PDCD6IP: variants seen among roughly 807,000 people sequenced by gnomAD.
PDCD6IP encodes programmed cell death 6 interacting protein.
PDCD6IP carries 43 observed loss-of-function variants against 103.7 expected under a neutral mutation model. The observed-to-expected ratio is 0.41, with a 90% CI of 0.32 to 0.53. The LOEUF is 0.53. Among genes scored for constraint, PDCD6IP ranks in the 20% least tolerant of loss-of-function variants. PDCD6IP has a pLI of 0.16. For missense variants in PDCD6IP, 871 were observed against 1,036.7 expected (o/e 0.84, Z 2.20); for synonymous variants, 354 against 378.7 (o/e 0.93, Z 0.76).
At chr3:33,837,693 A>T (rs960910221) in intron 8 of PDCD6IP, among the ~76,000 whole-genome samples, 1 of 151,652 alleles carries the variant, frequency 6.6e-6, no homozygotes, top group African/African-American at 2.4e-5. Context: ...GGTTCAGACG[A>T]TTCTCCTGCC....
chr3:33,823,913 A>G (rs1697052183), intron 4 of PDCD6IP, among the ~76,000 whole-genome samples: 1 of 152,244 alleles, frequency 6.6e-6, no homozygotes, highest in Non-Finnish European at 1.5e-5. Flanking sequence ...GAAACATTCC[A>G]TTCTGTGAGG....
chr3:33,861,402 AAGTGCTGGGATTACAG>A (rs1203368596), intron 15 of PDCD6IP, among the ~76,000 whole-genome samples: 7 of 152,088 alleles, frequency 4.6e-5, no homozygotes, highest in African/African-American at 7.2e-5. Flanking sequence ...CGGCCTCCCA[AAGTGCTGGGATTACAG>A]GCGTGAGCCA....
chr3:33,832,846 T>C (rs1190005380), intron 7 of PDCD6IP, among the ~76,000 whole-genome samples: 3 of 152,180 alleles, frequency 2.0e-5, no homozygotes, highest in Admixed American at 6.5e-5. Context: ...TTTGTCATTT[T>C]CTGGGTTTTC....
At chr3:33,810,328 A>G (rs1696687981) in intron 1 of PDCD6IP, among the ~76,000 whole-genome samples, 1 of 152,146 alleles carries the variant, frequency 6.6e-6, no homozygotes, top group South Asian at 2.1e-4. Flanking sequence ...TTCAGTGCTT[A>G]GCCATTGGGA....
chr3:33,808,889 A>G (rs546644671), intron 1 of PDCD6IP, among the ~76,000 whole-genome samples: 10 of 152,234 alleles, frequency 6.6e-5, no homozygotes, highest in Admixed American at 3.3e-4. Context: ...TGCTCACTCT[A>G]TGATCATATT....
At chr3:33,841,000 C>T (rs1013107253) in intron 9 of PDCD6IP, among the ~76,000 whole-genome samples, 8 of 151,004 alleles carry the variant, frequency 5.3e-5, no homozygotes, top group East Asian at 1.9e-4. Context: ...TATTTTAATG[C>T]GGTCATAGTT....
At chr3:33,818,518 T>C (rs1320323033) in intron 3 of PDCD6IP, among the ~76,000 whole-genome samples, 1 of 81,056 alleles carries the variant, frequency 1.2e-5, no homozygotes, top group Non-Finnish European at 2.6e-5. Flanking sequence ...CCTTGCTTTT[T>C]TTTTTTTTTT....
chr3:33,836,583 T>C (rs1366116964), intron 8 of PDCD6IP, among the ~76,000 whole-genome samples: 1 of 151,904 alleles, frequency 6.6e-6, no homozygotes, highest in Non-Finnish European at 1.5e-5. Flanking sequence ...TGGCTGGATG[T>C]GGTGGCTCAC....
chr3:33,804,965 A>G (rs1244849832), intron 1 of PDCD6IP, among the ~76,000 whole-genome samples: 1 of 152,170 alleles, frequency 6.6e-6, no homozygotes, highest in Non-Finnish European at 1.5e-5. Context: ...CTAAATACAG[A>G]TTGCAGCTGA....
In PDCD6IP at chr3:33,866,510, C is replaced by A. The variant is rs913691831; in HGVS notation, c.2592C>A (p.Tyr864Ter). 3.1e-6 allele frequency: 5 copies of A among 1,604,526 alleles called. No individual in the cohort carries two copies. Among genetic ancestry groups the A allele is most frequent in the Admixed American group, 3.5e-5 (2 of 57,192 alleles). The part of the protein sequence containing the change: ...YPFPQPPQQS[Y>*]YPQQ ...TCCCTCAGCCCCCACAGCAGTCTTA[C>A]TATCCACAGCAGTAATATGTCTGCT... The change falls in exon 18 of 18, where the codon TAC becomes TAA. Residue 864 changes from tyrosine (Y) to a stop codon, truncating the protein, a stop_gained. Coordinates refer to ENST00000307296, the MANE Select transcript of PDCD6IP (RefSeq NM_013374.6). LOFTEE classifies it high-confidence loss of function.
At position 33,798,899 on chromosome 3, in the gene PDCD6IP, G is replaced by A; in HGVS notation, c.171G>A (p.Pro57=). Residue 57 remains proline (P), a synonymous_variant, in exon 1 of 18, where the codon CCG becomes CCA. Transcript: ENST00000307296. Reference sequence around the variant, plus strand: ...TGCGCCGCGCCGCAGTCGGTCGTCCGCTGGACAAGCACGAGGGCGCGCTCG... The same window carrying A: ...TGCGCCGCGCCGCAGTCGGTCGTCCACTGGACAAGCACGAGGGCGCGCTCG... ...SKLRRAAVGR[P]LDKHEGALET... 6.5e-7 allele frequency: 1 copy of A among 1,546,438 alleles called. No homozygotes were observed. Among genetic ancestry groups the A allele is most frequent in the Non-Finnish European group, 8.7e-7 (1 of 1,143,982 alleles).
chr3:33,836,317 CTG>C (rs747412842), intron 8 of PDCD6IP, 51 bp downstream of exon 8: 33 of 1,023,442 alleles, frequency 3.2e-5, no homozygotes, highest in Non-Finnish European at 4.8e-5. Flanking sequence ...CTAGTTTACT[CTG>C]TTTTTCCTAG....
At chr3:33,838,595 G>A (rs1697403127) in intron 9 of PDCD6IP, among the ~76,000 whole-genome samples, 1 of 151,864 alleles carries the variant, frequency 6.6e-6, no homozygotes, top group South Asian at 2.1e-4. Flanking sequence ...AAGTAGAAAT[G>A]AACTCAGATA....
chr3:33,850,313 C>T (rs1271359761), intron 12 of PDCD6IP, among the ~76,000 whole-genome samples: 1 of 151,322 alleles, frequency 6.6e-6, no homozygotes, highest in East Asian at 1.9e-4. Flanking sequence ...AATTACGTTT[C>T]ACTTTGTTAG....
intron 9 of PDCD6IP, among the ~76,000 whole-genome samples, chr3:33,839,911 C>G (rs1197465169): frequency 2.0e-5 from 3 of 152,120 alleles, no homozygotes; most frequent in Non-Finnish European, 4.4e-5. Context: ...TGTAAAGTGT[C>G]TATTGAAATC....
intron 16 of PDCD6IP, 124 bp downstream of exon 16, chr3:33,864,253 C>A: frequency 1.6e-6 from 1 of 631,758 alleles, no homozygotes. Context: ...AGGTAACCAA[C>A]CTTCTGATAT....
intron 12 of PDCD6IP, among the ~76,000 whole-genome samples, chr3:33,851,268 C>T (rs1697707214): frequency 6.6e-6 from 1 of 150,518 alleles, no homozygotes; most frequent in African/African-American, 2.4e-5. Flanking sequence ...TTTCTATGAG[C>T]ATCATTGGGG....
intron 6 of PDCD6IP, chr3:33,826,804 T>C: frequency 7.7e-7 from 1 of 1,294,256 alleles, no homozygotes. Context: ...CTAAACTTGT[T>C]TTTCCAAGCT....
At chr3:33,864,212 T>C (rs1698017548) in intron 16 of PDCD6IP, 83 bp downstream of exon 16, 6 of 875,374 alleles carry the variant, frequency 6.9e-6, no homozygotes, top group South Asian at 1.6e-5. Flanking sequence ...ATGATTTACA[T>C]AGGAAGGATC....
Sources: allele counts gnomAD v4.1 joint callset (sites outside exome capture counted in the v4.1 genomes callset), GRCh38; gene constraint gnomAD v4.1.1; transcripts MANE v1.5; gene names NCBI Gene and HGNC (gene_info 2026-07-23, HGNC 2026-07-21).